The following SPAM1 variants were observed in gnomAD, a reference collection of about 807,000 sequenced individuals.
The protein encoded by SPAM1 is sperm adhesion molecule 1.
A neutral mutation model predicts 29.6 loss-of-function variants in SPAM1; 22 were observed. The ratio of observed to expected loss-of-function variants is 0.74; its 90% CI spans 0.53 to 1.06. The LOEUF is 1.06. Ranked by LOEUF, SPAM1 falls within the 50% of genes least tolerant of loss-of-function variation. The pLI, the probability that SPAM1 is intolerant of heterozygous loss-of-function variation, is 0.00. For missense variants in SPAM1, 534 were observed against 604.0 expected, an observed-to-expected ratio of 0.88 and a Z score of 1.21; for synonymous variants, 194 against 204.6, an observed-to-expected ratio of 0.95 and a Z score of 0.44.
At chr7:123,944,779 A>G (rs1276195681) in intron 1 of SPAM1, among the ~76,000 whole-genome samples, 1 of 152,182 alleles carries the variant, frequency 6.6e-6, no homozygotes, top group East Asian at 1.9e-4. Context: ...GAATTGAAGG[A>G]CAGAGCTATA....
downstream of SPAM1, among the ~76,000 whole-genome samples, chr7:123,960,805 A>G (rs1792348661): frequency 1.3e-5 from 2 of 151,936 alleles, no homozygotes. Flanking sequence ...TCCGTGAAAA[A>G]AAAGGAAAAT....
chr7:123,931,753 G>A (rs1808086328), intron 1 of SPAM1, among the ~76,000 whole-genome samples: 1 of 152,014 alleles, frequency 6.6e-6, no homozygotes, highest in East Asian at 1.9e-4. Flanking sequence ...CCTTATGGTA[G>A]CCACTTGATG....
intron 1 of SPAM1, among the ~76,000 whole-genome samples, chr7:123,937,823 T>C (rs1212002414): frequency 6.6e-6 from 1 of 152,104 alleles, no homozygotes; most frequent in Admixed American, 6.5e-5. Context: ...TTTTTAGACA[T>C]GTGTTTCATC....
At chr7:123,969,434 G>A (rs1269396159) in intron 5 of SPAM1, among the ~76,000 whole-genome samples, 1 of 152,030 alleles carries the variant, frequency 6.6e-6, no homozygotes. Flanking sequence ...TTATGTTTGA[G>A]TCTTTAATAT....
chr7:123,931,121 T>A (rs1270805243), intron 1 of SPAM1, among the ~76,000 whole-genome samples: 2 of 152,172 alleles, frequency 1.3e-5, no homozygotes. Flanking sequence ...TTCATGTTGT[T>A]GGGGCCTAGA....
At chr7:123,926,706 C>T (rs2117011104) in intron 1 of SPAM1, among the ~76,000 whole-genome samples, 1 of 152,190 alleles carries the variant, frequency 6.6e-6, no homozygotes, top group South Asian at 2.1e-4. Context: ...AGAGTGGGGG[C>T]TTCTAGCTTA....
intron 2 of SPAM1, among the ~76,000 whole-genome samples, chr7:123,951,539 A>G (rs1460916958): frequency 2.0e-5 from 3 of 152,180 alleles, no homozygotes; most frequent in Non-Finnish European, 4.4e-5. Flanking sequence ...AATTTCAAGC[A>G]TAGAAGTGTC....
chr7:123,966,803 G>A (rs1450692695), intron 5 of SPAM1, among the ~76,000 whole-genome samples: 1 of 151,908 alleles, frequency 6.6e-6, no homozygotes, highest in African/African-American at 2.4e-5. Flanking sequence ...AATGGATGCT[G>A]GACTTAATAC....
At chr7:123,959,439 T>C in intron 4 of SPAM1, 45 bp from the exon 5 acceptor site, 1 of 1,379,772 alleles carries the variant, frequency 7.2e-7, no homozygotes, top group Non-Finnish European at 9.9e-7. Context: ...GCATTTGAAC[T>C]AACTTGTCCT....
chr7:123,932,603 G>C (rs1233789594), intron 1 of SPAM1: 1 of 152,204 alleles, frequency 6.6e-6, no homozygotes, highest in African/African-American at 2.4e-5. Flanking sequence ...AAACTGATTT[G>C]CCATCTCTTT....
chr7:123,963,548 T>A (rs182040275), downstream of SPAM1, among the ~76,000 whole-genome samples: 1 of 152,036 alleles, frequency 6.6e-6, no homozygotes, highest in East Asian at 1.9e-4. Context: ...ATGATAATCA[T>A]CATTATATTT....
intron 1 of SPAM1, among the ~76,000 whole-genome samples, chr7:123,941,850 C>T (rs1409195720): frequency 6.6e-6 from 1 of 152,158 alleles, no homozygotes; most frequent in African/African-American, 2.4e-5. Flanking sequence ...GGTTTTGTCT[C>T]ATCCCTTGTG....
At chr7:123,952,396 A>T (rs1221751711) in intron 2 of SPAM1, among the ~76,000 whole-genome samples, 1 of 152,174 alleles carries the variant, frequency 6.6e-6, no homozygotes. Flanking sequence ...TTCATATAGC[A>T]GTGTACTACT....
At chr7:123,932,172 G>A (rs1392001326) in intron 1 of SPAM1, 2 of 152,212 alleles carry the variant, frequency 1.3e-5, no homozygotes, top group Non-Finnish European at 1.5e-5. Flanking sequence ...CTCGGCTGTG[G>A]GGTCAGTCCA....
downstream of SPAM1, among the ~76,000 whole-genome samples, chr7:123,960,354 C>A (rs1405773058): frequency 6.6e-6 from 1 of 151,810 alleles, no homozygotes; most frequent in Non-Finnish European, 1.5e-5. Context: ...AAGTGAAAAC[C>A]CTTTCAATAC....
At chr7:123,956,816 G>GACAT in intron 4 of SPAM1, among the ~76,000 whole-genome samples, 1 of 151,944 alleles carries the variant, frequency 6.6e-6, no homozygotes, top group Non-Finnish European at 1.5e-5. Flanking sequence ...TAATGGTGGT[G>GACAT]TACTTGATTC....
At chr7:123,927,414 G>A (rs377155615) in intron 1 of SPAM1, among the ~76,000 whole-genome samples, 2 of 152,128 alleles carry the variant, frequency 1.3e-5, no homozygotes, top group African/African-American at 2.4e-5. Flanking sequence ...AAGTAGCATC[G>A]GAAGGAGGGC....
chr7:123,959,308 T>A (rs1792312705), intron 4 of SPAM1, among the ~76,000 whole-genome samples, 176 bp from the exon 5 acceptor site: 1 of 152,048 alleles, frequency 6.6e-6, no homozygotes, highest in African/African-American at 2.4e-5. Context: ...CTTATAAGTC[T>A]TACAAAAAGC....
Position 123,954,064 on chromosome 7 carries a change from A to G in SPAM1, c.494A>G (p.Lys165Arg), listed in dbSNP as rs746819354. ...AACTGGAAACCTAAAGATGTTTACA[A>G]GAATAGGTCTATTGAATTGGTTCAG... ...ARNWKPKDVYKNRSIELVQQQ... is the reference protein window; with the variant it reads ...ARNWKPKDVYRNRSIELVQQQ... The change falls in exon 3 of 5, where the codon AAG becomes AGG. Residue 165 changes from lysine to arginine, a missense_variant. Transcript: ENST00000682466. 4 of 1,613,536 alleles carry G rather than the reference A, an allele frequency of 2.5e-6. No homozygotes were observed. The highest frequency in any genetic ancestry group is 2.5e-6 in the Non-Finnish European group (3 of 1,179,742).
Sources: gnomAD v4.1 joint callset for allele counts (sites outside exome capture counted in the v4.1 genomes callset) on GRCh38, gnomAD v4.1.1 for gene constraint, MANE v1.5 for transcripts, NCBI Gene and HGNC (gene_info 2026-07-23, HGNC 2026-07-21) for gene names.